The following ZEB1 variants were observed in gnomAD, a reference collection of about 807,000 sequenced individuals.
ZEB1 encodes zinc finger E-box-binding homeobox 1.
ZEB1 carries 21 observed loss-of-function variants against 84.9 expected under a neutral mutation model. The ratio of observed to expected loss-of-function variants is 0.25; its 90% CI spans 0.18 to 0.36. The LOEUF (loss-of-function observed/expected upper bound fraction) is 0.36, where lower values mean the gene tolerates loss of function less well. ZEB1 is among the 10% of genes least tolerant of loss of function. The pLI is 1.00. For synonymous variants in ZEB1, 420 were observed against 471.1 expected (o/e 0.89, Z 1.41); for missense variants, 1,104 against 1,330.2 (o/e 0.83, Z 2.65).
intron 4 of ZEB1, among the ~76,000 whole-genome samples, chr10:31,509,056 A>C (rs916807146): frequency 2.0e-5 from 3 of 152,102 alleles, no homozygotes; most frequent in Non-Finnish European, 2.9e-5. Context: ...AATGGCTTGC[A>C]CTTCAGCCTT....
intron 1 of ZEB1, among the ~76,000 whole-genome samples, chr10:31,381,028 A>G (rs1485321042): frequency 6.6e-6 from 1 of 152,172 alleles, no homozygotes. Context: ...ACTTCATTAA[A>G]TCAACAAGCT....
At chr10:31,372,073 G>A (rs968653446) in intron 1 of ZEB1, among the ~76,000 whole-genome samples, 1 of 152,024 alleles carries the variant, frequency 6.6e-6, no homozygotes, top group Admixed American at 6.6e-5. Context: ...TGAGGTGTGT[G>A]TAATGTTTAT....
chr10:31,462,142 A>G (rs2061891581), intron 2 of ZEB1, among the ~76,000 whole-genome samples: 1 of 152,220 alleles, frequency 6.6e-6, no homozygotes, highest in Non-Finnish European at 1.5e-5. Context: ...TGGGTCAGGC[A>G]TGCAGGTCAG....
At chr10:31,322,977 C>T (rs115321993) in intron 1 of ZEB1, among the ~76,000 whole-genome samples, 1 of 152,038 alleles carries the variant, frequency 6.6e-6, no homozygotes, top group African/African-American at 2.4e-5. Flanking sequence ...AATTCTGAGT[C>T]TTATTGTTAC....
rs1419862026 is a variant in ZEB1 at position 31,529,260 on chromosome 10, T to C, written c.*1996T>C. 6.6e-6 allele frequency: 1 copy of C among 152,204 alleles called. No individual in the cohort carries two copies. Among genetic ancestry groups the C allele is most frequent in the East Asian group, 1.9e-4 (1 of 5,202 alleles). 9.4% of individuals were successfully genotyped at this position (152,204 alleles called of 1,614,324 possible). A position where few individuals can be genotyped will look rare whatever the true frequency, so the allele number is the denominator to read the frequency against. ...TTCTTTGGAAAACTGTGAAATGGGG[T>C]ACATTGTCATCCTGCATTTGATTCA... On this transcript the variant is annotated 3_prime_UTR_variant, in exon 9 of 9. Transcript: ENST00000424869.
intron 1 of ZEB1, among the ~76,000 whole-genome samples, chr10:31,433,180 T>G (rs1206128562): frequency 6.6e-6 from 1 of 152,216 alleles, no homozygotes; most frequent in Non-Finnish European, 1.5e-5. Context: ...ATTTGCAACA[T>G]CATGCATTAG....
At position 31,528,178 on chromosome 10, in the gene ZEB1, C is replaced by G. The variant is rs890447385; in HGVS notation, c.*914C>G. ...TCTCAGTATTTTCAAGGCTCTAACC[C>G]GCCTTCATCCAATGTGTGGCCTACA... On this transcript the variant is annotated 3_prime_UTR_variant, in exon 9 of 9. Transcript: ENST00000424869. The G allele has an allele frequency of 3.3e-5, 5 of 152,150 alleles. No homozygotes were observed. Among genetic ancestry groups the G allele is most frequent in the Non-Finnish European group, 5.9e-5 (4 of 68,028 alleles). The allele number at this position is 152,150 out of a possible 1,614,324, so 9.4% of individuals were successfully genotyped here. A position where few individuals can be genotyped will look rare whatever the true frequency, so the allele number is the denominator to read the frequency against.
At chr10:31,429,845 G>A (rs2057491473) in intron 1 of ZEB1, among the ~76,000 whole-genome samples, 1 of 145,644 alleles carries the variant, frequency 6.9e-6, no homozygotes. Flanking sequence ...CTGGGTTCAA[G>A]CGATTCTCCT....
intron 1 of ZEB1, among the ~76,000 whole-genome samples, chr10:31,409,897 A>T (rs1380966546): frequency 6.6e-6 from 1 of 152,216 alleles, no homozygotes; most frequent in Non-Finnish European, 1.5e-5. Context: ...TATCAGCTTA[A>T]GGAGATTTGG....
At chr10:31,477,167 G>A (rs977077514) in intron 2 of ZEB1, among the ~76,000 whole-genome samples, 1 of 151,868 alleles carries the variant, frequency 6.6e-6, no homozygotes, top group African/African-American at 2.4e-5. Context: ...AAATCCTAAA[G>A]ACTCCTAGAC....
intron 1 of ZEB1, among the ~76,000 whole-genome samples, chr10:31,365,370 CAT>C (rs754843529): frequency 4.5e-4 from 68 of 152,158 alleles, no homozygotes; most frequent in Admixed American, 8.5e-4. Context: ...ACTAGGGAAA[CAT>C]GTATGAAAAA....
intron 2 of ZEB1, among the ~76,000 whole-genome samples, chr10:31,468,219 C>T (rs1022401794): frequency 2.0e-5 from 3 of 152,166 alleles, no homozygotes; most frequent in Admixed American, 1.3e-4. Flanking sequence ...CTCTAGCCAG[C>T]CTTGGGAGCA....
chr10:31,416,404 G>T (rs989560103), intron 1 of ZEB1, among the ~76,000 whole-genome samples: 3 of 152,052 alleles, frequency 2.0e-5, no homozygotes, highest in African/African-American at 7.2e-5. Flanking sequence ...AGATGATGTT[G>T]TGCTGATGTA....
intron 1 of ZEB1, among the ~76,000 whole-genome samples, chr10:31,338,139 A>G (rs1463733123): frequency 6.6e-6 from 1 of 152,120 alleles, no homozygotes; most frequent in Admixed American, 6.5e-5. Context: ...ACCACCTTTT[A>G]GGAAGTTTGA....
intron 2 of ZEB1, among the ~76,000 whole-genome samples, chr10:31,495,149 G>A (rs908173864): frequency 6.6e-6 from 1 of 151,942 alleles, no homozygotes; most frequent in African/African-American, 2.4e-5. Context: ...ATAACGGCAT[G>A]TCTTTGGGCA....
In ZEB1 at chr10:31,511,374, T is replaced by TAAAAA. The variant is rs1206996226; in HGVS notation, c.687+502_687+503insAAAAA. 5.9e-5 allele frequency among the ~76,000 whole-genome samples: 9 copies of TAAAAA among 152,326 alleles called. No homozygotes were observed. In the East Asian group the frequency reaches 1.7e-3, roughly 29 times the overall value. On this transcript the variant is annotated intron_variant, in intron 5 of 8. Coordinates refer to ENST00000424869, the MANE Select transcript of ZEB1 (RefSeq NM_001174096.2). ...AAGGGAGTTGCCTCCTCTAAAAATC[T>TAAAAA]AAAGTTTAGATTTTTTTATTCTGAA...
Position 31,448,952 on chromosome 10 carries a change from T to C in ZEB1, c.59-12085T>C, listed in dbSNP as rs1591394369. ...GTGGTGGGCTCCACCCAGTTGGAGC[T>C]TCCTGGCTGCTTTGTTTACCTAATC... On this transcript the variant is annotated intron_variant, in intron 1 of 8. Transcript: ENST00000424869. 2.0e-5 allele frequency among the ~76,000 whole-genome samples: 3 copies of C among 152,382 alleles called. No homozygotes were observed. The South Asian group carries it at 6.2e-4, about 32-fold the overall frequency.
At chr10:31,380,502 T>A (rs1358135019) in intron 1 of ZEB1, among the ~76,000 whole-genome samples, 1 of 152,152 alleles carries the variant, frequency 6.6e-6, no homozygotes, top group African/African-American at 2.4e-5. Context: ...ACCCAATCTC[T>A]CTATTGAGAG....
At position 31,508,661 on chromosome 10, in the gene ZEB1, G is replaced by C. The variant is rs539610224; in HGVS notation, c.485-2012G>C. Among the ~76,000 whole-genome samples, 3 of 152,220 alleles carry C rather than the reference G, an allele frequency of 2.0e-5. No homozygotes were observed. The East Asian group carries it at 5.8e-4, about 29-fold the overall frequency. On this transcript the variant is annotated intron_variant, in intron 4 of 8. Transcript: ENST00000424869. ...GGACCTGTCCTCAGGCCCCTTGGTG[G>C]TGTGTGTAGGCATTGGCTATCATGG...
Sources: allele counts gnomAD v4.1 joint callset (sites outside exome capture counted in the v4.1 genomes callset), GRCh38; gene constraint gnomAD v4.1.1; transcripts MANE v1.5; gene names NCBI Gene and HGNC (gene_info 2026-07-23, HGNC 2026-07-21).